FLT1: variants seen among roughly 807,000 people sequenced by gnomAD.
The protein encoded by FLT1 is vascular endothelial growth factor receptor 1.
In FLT1, 49 loss-of-function variants were observed where a neutral mutation model predicts 156.3. That is an observed-to-expected ratio of 0.31 (90% CI 0.25 to 0.40). The LOEUF (loss-of-function observed/expected upper bound fraction) is 0.40. FLT1 is among the 10% of genes least tolerant of loss of function. The pLI is 1.00. For synonymous variants in FLT1, 594 were observed against 583.8 expected (o/e 1.02, Z -0.25); for missense variants, 1,322 against 1,637.2 (o/e 0.81, Z 3.32).
chr13:28,306,520 T>C (rs1346990667), intron 29 of FLT1, among the ~76,000 whole-genome samples, 158 bp downstream of exon 29: 1 of 152,180 alleles, frequency 6.6e-6, no homozygotes, highest in African/African-American at 2.4e-5. Context: ...GTTCCCCTTT[T>C]TTTGCCCTCT....
At chr13:28,421,258 C>A (rs1488221594) in intron 10 of FLT1, among the ~76,000 whole-genome samples, 1 of 152,134 alleles carries the variant, frequency 6.6e-6, no homozygotes, top group Non-Finnish European at 1.5e-5. Flanking sequence ...CCATGCATGT[C>A]TACTAGATTT....
At position 28,439,800 on chromosome 13, in the gene FLT1, G is replaced by A. The variant is rs1239649418; in HGVS notation, c.389-1455C>T. On this transcript the variant is annotated intron_variant, in intron 3 of 29. Transcript: ENST00000282397. The surrounding 1 kb of genome is among the most constrained non-coding windows in gnomAD (Gnocchi z 4.1). ...CCAGCATGTAGGAAGAGGCGAGGGAGGGTTCTTCTGCAGGTTTCAGAAGGG... is the reference window on the plus strand; with the variant it reads ...CCAGCATGTAGGAAGAGGCGAGGGAAGGTTCTTCTGCAGGTTTCAGAAGGG... Among the ~76,000 whole-genome samples the A allele has an allele frequency of 6.6e-6, 1 of 152,222 alleles. No homozygotes were observed. Among genetic ancestry groups the A allele is most frequent in the Non-Finnish European group, 1.5e-5 (1 of 68,038 alleles).
At chr13:28,356,166 G>A (rs945304144) in intron 15 of FLT1, among the ~76,000 whole-genome samples, 4 of 152,298 alleles carry the variant, frequency 2.6e-5, no homozygotes, top group Admixed American at 1.3e-4. Context: ...AGTTGGGTGA[G>A]TCAGTTCAGA....
At chr13:28,484,467 G>C (rs939666406) in intron 1 of FLT1, among the ~76,000 whole-genome samples, 1 of 152,168 alleles carries the variant, frequency 6.6e-6, no homozygotes, top group Non-Finnish European at 1.5e-5. Context: ...TCATGTCCTT[G>C]ATGGCTTTGG....
In FLT1 at chr13:28,317,517, C is replaced by T. The variant is rs61731345; in HGVS notation, c.3367G>A (p.Glu1123Lys). 4.3e-6 allele frequency: 7 copies of T among 1,612,274 alleles called. No individual in the cohort carries two copies. The highest frequency in any genetic ancestry group is 1.3e-5 in the African/African-American group (1 of 74,882). Reference protein sequence around the residue: ...LREGMRMRAPEYSTPEIYQIM... With the variant: ...LREGMRMRAPKYSTPEIYQIM... Reference sequence around the variant, plus strand: ...GCTCACATTTCAGGAGTAGAGTACTCAGGAGCTCTCATCCTCATGCCTTCC... The same window carrying T: ...GCTCACATTTCAGGAGTAGAGTACTTAGGAGCTCTCATCCTCATGCCTTCC... Residue 1123 changes from glutamate (E) to lysine (K), a missense_variant, in exon 25 of 30, where the codon GAG (glutamate) becomes AAG (lysine). Glu to Lys is a moderately conservative substitution (Grantham distance 56, BLOSUM62 1). Around this residue, in one of 3 missense-constraint regions of FLT1, gnomAD observed 329 missense variants for 366.2 expected, o/e 0.90. Coordinates refer to ENST00000282397, the MANE Select transcript of FLT1 (RefSeq NM_002019.4).
intron 3 of FLT1, among the ~76,000 whole-genome samples, chr13:28,450,452 CTCAG>C (rs1177668399): frequency 6.6e-6 from 1 of 151,706 alleles, no homozygotes; most frequent in African/African-American, 2.4e-5. Flanking sequence ...GATGACTGAC[CTCAG>C]TCAGAGATCT....
intron 28 of FLT1, chr13:28,308,489 G>A (rs1309524889): frequency 2.8e-6 from 1 of 354,276 alleles, no homozygotes; most frequent in African/African-American, 2.1e-5. Flanking sequence ...CGCGCTCTCT[G>A]TTACATCACA....
chr13:28,489,990 G>A (rs1330900592), intron 1 of FLT1, among the ~76,000 whole-genome samples: 1 of 152,200 alleles, frequency 6.6e-6, no homozygotes, highest in Non-Finnish European at 1.5e-5. Flanking sequence ...CTGTAATAAT[G>A]TTAGTCAATA....
chr13:28,341,921 C>T (rs902283679), intron 16 of FLT1, among the ~76,000 whole-genome samples: 5 of 152,108 alleles, frequency 3.3e-5, no homozygotes, highest in African/African-American at 1.2e-4. Context: ...TCACTCTTGT[C>T]GCCTAGGCTG....
chr13:28,493,572 G>A (rs1277460351), intron 1 of FLT1, among the ~76,000 whole-genome samples: 1 of 152,012 alleles, frequency 6.6e-6, no homozygotes, highest in East Asian at 1.9e-4. Flanking sequence ...TTCTTCCCGG[G>A]AATCATTGCA....
rs1379106211 is a variant in FLT1 at position 28,470,869 on chromosome 13, T to TGG, written c.65-3253_65-3252insCC. On this transcript the variant is annotated intron_variant, in intron 1 of 29. Transcript: ENST00000282397. ...CCACACCCAGCTAATTTTTATATTT[T>TGG]TAGTAGAGACGGGGTTTTGCCATGT... 3.8e-4 allele frequency among the ~76,000 whole-genome samples: 58 copies of TGG among 152,254 alleles called. No individual in the cohort carries two copies. In the East Asian group the frequency reaches 8.9e-3, roughly 23 times the overall value.
Position 28,334,205 on chromosome 13 carries a change from C to T in FLT1, c.2489-76G>A, listed in dbSNP as rs932614398. ...TTAAGTCTTTTTCAGGAAGGAAATG[C>T]CTTTTCCTATGTGTGCATGTGAGGC... On this transcript the variant is annotated intron_variant, in intron 17 of 29. Transcript: ENST00000282397. 2.3e-5 allele frequency: 22 copies of T among 956,522 alleles called. No homozygotes were observed. The African/African-American group carries it at 2.7e-4, about 12-fold the overall frequency. 59.3% of individuals were successfully genotyped at this position (956,522 alleles called of 1,614,324 possible).
chr13:28,318,820 C>T (rs114993794), intron 24 of FLT1, among the ~76,000 whole-genome samples: 203 of 152,278 alleles, frequency 1.3e-3, no homozygotes, highest in Middle Eastern at 6.8e-3. Context: ...GGGCTCTGCA[C>T]GCATCTGTGT....
At chr13:28,388,328 G>T in intron 13 of FLT1, 1 of 1,058,256 alleles carries the variant, frequency 9.4e-7, no homozygotes, top group Non-Finnish European at 1.1e-6. Context: ...CCGTGGGACA[G>T]AATCTGTTAC....
intron 1 of FLT1, among the ~76,000 whole-genome samples, chr13:28,473,697 G>GA (rs1299397945): frequency 2.1e-4 from 24 of 114,554 alleles, no homozygotes; most frequent in Non-Finnish European, 3.8e-4. Flanking sequence ...GAGAGAGAAA[G>GA]AAAAGAAAGA....
intron 17 of FLT1, 87 bp from the exon 18 acceptor site, chr13:28,334,216 G>T: frequency 1.2e-6 from 1 of 868,242 alleles, no homozygotes. Flanking sequence ...CTTTTCCTAT[G>T]TGTGCATGTG....
At chr13:28,427,100 T>C in intron 10 of FLT1, 59 bp downstream of exon 10, 2 of 1,476,978 alleles carry the variant, frequency 1.4e-6, no homozygotes, top group Non-Finnish European at 1.9e-6. Flanking sequence ...CATTAAAAAA[T>C]CTTAATTCCA....
chr13:28,370,743 A>G (rs1873522503), intron 14 of FLT1, among the ~76,000 whole-genome samples: 1 of 152,210 alleles, frequency 6.6e-6, no homozygotes, highest in Non-Finnish European at 1.5e-5. Flanking sequence ...CTGTGAACAC[A>G]TGCATGTAAG....
intron 14 of FLT1, among the ~76,000 whole-genome samples, chr13:28,373,321 G>C (rs1430143087): frequency 1.3e-5 from 2 of 152,156 alleles, no homozygotes; most frequent in Non-Finnish European, 2.9e-5. Flanking sequence ...TTGGTAGCAG[G>C]AGATTATATA....
Sources: gnomAD v4.1 joint callset for allele counts (sites outside exome capture counted in the v4.1 genomes callset) on GRCh38, gnomAD v4.1.1 for gene constraint, gnomAD v4.1.1 regional missense constraint, Gnocchi (gnomAD v3.1) non-coding constraint, MANE v1.5 for transcripts, NCBI Gene and HGNC (gene_info 2026-07-23, HGNC 2026-07-21) for gene names.